Variants in TCERG1L observed in about 807,000 individuals in gnomAD.
TCERG1L encodes the protein transcription elongation regulator 1 like.
A neutral mutation model predicts 56.3 loss-of-function variants in TCERG1L; 37 were observed. The observed-to-expected ratio is 0.66, with a 90% CI of 0.51 to 0.87. TCERG1L has a LOEUF of 0.87. Ranked by LOEUF, TCERG1L falls within the 40% of genes least tolerant of loss-of-function variation. The pLI, the probability that TCERG1L is intolerant of heterozygous loss-of-function variation, is 0.00. For missense variants in TCERG1L, 799 were observed against 774.2 expected (o/e 1.03, Z -0.38); for synonymous variants, 324 against 326.3 (o/e 0.99, Z 0.08).
At position 131,311,444 on chromosome 10, in the gene TCERG1L, G is replaced by A; in HGVS notation, c.192C>T (p.Ala64=). The A allele has an allele frequency of 2.5e-6, 3 of 1,177,148 alleles. No individual in the cohort carries two copies. The highest frequency in any genetic ancestry group is 8.3e-5 in the South Asian group (2 of 24,100). 72.9% of individuals were successfully genotyped at this position (1,177,148 alleles called of 1,614,324 possible). A position where few individuals can be genotyped will look rare whatever the true frequency, so the allele number is the denominator to read the frequency against. ...AGVVVPPVLL[A]SAPPPAAPLL... ...GCGGGGCCGCGGGCGGCGGGGCCGA[G>A]GCGAGCAGCACCGGGGGAACCACGA... Residue 64 remains alanine (A), a synonymous_variant, in exon 1 of 12, where the codon GCC becomes GCT. Transcript: ENST00000368642. The surrounding 1 kb of genome is among the most constrained non-coding windows in gnomAD (Gnocchi z 4.0).
At chr10:131,252,925 C>A (rs1203612529) in intron 4 of TCERG1L, among the ~76,000 whole-genome samples, 2 of 152,168 alleles carry the variant, frequency 1.3e-5, no homozygotes, top group Non-Finnish European at 2.9e-5. Context: ...AACTATCTCC[C>A]CACCCTCCTT....
intron 3 of TCERG1L, 26 bp downstream of exon 3, chr10:131,308,185 A>G: frequency 1.3e-6 from 2 of 1,574,652 alleles, no homozygotes; most frequent in Non-Finnish European, 1.7e-6. Flanking sequence ...TGAAACAGAC[A>G]TTGTCAATGT....
intron 8 of TCERG1L, among the ~76,000 whole-genome samples, chr10:131,132,142 A>G (rs566861240): frequency 6.6e-6 from 1 of 152,302 alleles, no homozygotes; most frequent in South Asian, 2.1e-4. Context: ...AACAGAGGGC[A>G]TGGCTTTGTA....
In TCERG1L at chr10:131,144,063, C is replaced by T. The variant is rs1050118249; in HGVS notation, c.1189+2443G>A. 4.6e-5 allele frequency among the ~76,000 whole-genome samples: 7 copies of T among 151,190 alleles called. No individual in the cohort carries two copies. In the East Asian group the frequency reaches 6.0e-4, roughly 13 times the overall value. ...GTCTCCTATCCCCACTGAAGACACA[C>T]GCACACGCAGGCACACACGCTCACA... On this transcript the variant is annotated intron_variant, in intron 7 of 11. Transcript: ENST00000368642.
chr10:131,110,403 C>G (rs1845398875), intron 9 of TCERG1L, among the ~76,000 whole-genome samples: 1 of 152,160 alleles, frequency 6.6e-6, no homozygotes, highest in African/African-American at 2.4e-5. Context: ...CCCTGGTGGT[C>G]TCACCCCGGC....
In TCERG1L at chr10:131,226,539, G is replaced by A. The variant is rs1008713496; in HGVS notation, c.856+33720C>T. On this transcript the variant is annotated intron_variant, in intron 4 of 11. Coordinates refer to ENST00000368642, the MANE Select transcript of TCERG1L (RefSeq NM_174937.4). ...CAGAACCATAAAAATTAGGATTACAGCCATGACGATTAGCATTCAGCAGAA... is the reference window on the plus strand; with the variant it reads ...CAGAACCATAAAAATTAGGATTACAACCATGACGATTAGCATTCAGCAGAA... 2.0e-5 allele frequency among the ~76,000 whole-genome samples: 3 copies of A among 152,198 alleles called. No homozygotes were observed. In the East Asian group the frequency reaches 5.8e-4, roughly 29 times the overall value.
intron 4 of TCERG1L, among the ~76,000 whole-genome samples, chr10:131,174,479 C>G (rs2944523): frequency 0.63 from 96,255 of 151,854 alleles, 32,485 homozygotes; most frequent in East Asian, 0.99. Context: ...GTCCCCTGGT[C>G]GGGGCTGGGC....
chr10:131,172,270 G>A (rs1846100261), intron 4 of TCERG1L, among the ~76,000 whole-genome samples: 1 of 152,198 alleles, frequency 6.6e-6, no homozygotes, highest in African/African-American at 2.4e-5. Context: ...CACGGGGGAG[G>A]AGGGGAACCC....
rs1323864037 is a variant in TCERG1L, at chr10:131,118,742, G to A, written c.1260-1808C>T. On this transcript the variant is annotated intron_variant, in intron 8 of 11. Transcript: ENST00000368642. This position sits in a 1 kb window ranked among gnomAD's most constrained non-coding sequence, Gnocchi z 4.2. ...CATGCCAAATTTGGAATTGAGCCTGGTCTCTTTTCCTCCTTTGCAACAGTC... is the reference window on the plus strand; with the variant it reads ...CATGCCAAATTTGGAATTGAGCCTGATCTCTTTTCCTCCTTTGCAACAGTC... Among the ~76,000 whole-genome samples the A allele has an allele frequency of 6.6e-6, 1 of 152,110 alleles. No individual in the cohort carries two copies. Among genetic ancestry groups the A allele is most frequent in the Non-Finnish European group, 1.5e-5 (1 of 68,028 alleles).
chr10:131,221,257 C>A (rs970923202), intron 4 of TCERG1L, among the ~76,000 whole-genome samples: 2 of 152,218 alleles, frequency 1.3e-5, no homozygotes, highest in Non-Finnish European at 2.9e-5. Context: ...AGGCCCCTGG[C>A]CGTCCAGGAA....
At chr10:131,229,592 T>A (rs1845827789) in intron 4 of TCERG1L, among the ~76,000 whole-genome samples, 1 of 152,142 alleles carries the variant, frequency 6.6e-6, no homozygotes, top group Non-Finnish European at 1.5e-5. Flanking sequence ...AGCGCAGCCA[T>A]CAACTTCTGA....
At chr10:131,286,792 C>T (rs926138874) in intron 3 of TCERG1L, among the ~76,000 whole-genome samples, 6 of 152,320 alleles carry the variant, frequency 3.9e-5, no homozygotes, top group Admixed American at 3.3e-4. Flanking sequence ...ATAAACTATA[C>T]TCACAAATAG....
In TCERG1L at chr10:131,103,474, T is replaced by C. The variant is rs1364963885; in HGVS notation, c.1485+791A>G. 5.9e-5 allele frequency among the ~76,000 whole-genome samples: 9 copies of C among 152,158 alleles called. No homozygotes were observed. Among genetic ancestry groups the C allele is most frequent in the Non-Finnish European group, 8.8e-5 (6 of 68,040 alleles). On this transcript the variant is annotated intron_variant, in intron 10 of 11. Transcript: ENST00000368642. The surrounding 1 kb of genome is among the most constrained non-coding windows in gnomAD (Gnocchi z 4.3). Reference sequence around the variant, plus strand: ...GGGAGCCCAAGGTGGAAGGATTGCTTGAGCCTAGGAGTTCAAGATGAGCCT... The same window carrying C: ...GGGAGCCCAAGGTGGAAGGATTGCTCGAGCCTAGGAGTTCAAGATGAGCCT...
intron 3 of TCERG1L, among the ~76,000 whole-genome samples, chr10:131,300,231 T>C (rs548007696): frequency 3.3e-5 from 5 of 152,324 alleles, no homozygotes; most frequent in African/African-American, 1.2e-4. Flanking sequence ...GTTTTTGCTA[T>C]TTATTAGTCT....
chr10:131,156,800 C>T (rs867463982), intron 6 of TCERG1L, among the ~76,000 whole-genome samples: 3 of 152,154 alleles, frequency 2.0e-5, no homozygotes, highest in South Asian at 2.1e-4. Context: ...CTCTCACGTG[C>T]ACCCCCTTAG....
chr10:131,181,282 G>A (rs1845173302), intron 4 of TCERG1L, among the ~76,000 whole-genome samples: 1 of 152,216 alleles, frequency 6.6e-6, no homozygotes, highest in African/African-American at 2.4e-5. Flanking sequence ...TGGCCTGGGA[G>A]GATGGAAATC....
At chr10:131,264,286 G>A (rs1846263725) in intron 3 of TCERG1L, among the ~76,000 whole-genome samples, 2 of 152,234 alleles carry the variant, frequency 1.3e-5, no homozygotes, top group Admixed American at 6.5e-5. Context: ...AGCCCTGCCA[G>A]AGCACAGGTG....
chr10:131,181,852 G>A (rs1410915010), intron 4 of TCERG1L, among the ~76,000 whole-genome samples: 8 of 152,240 alleles, frequency 5.3e-5, no homozygotes, highest in African/African-American at 1.9e-4. Flanking sequence ...ACATTTTAAG[G>A]GAAACCTTTG....
chr10:131,229,309 C>G (rs1845825685), intron 4 of TCERG1L, among the ~76,000 whole-genome samples: 1 of 152,270 alleles, frequency 6.6e-6, no homozygotes, highest in South Asian at 2.1e-4. Context: ...GCCCTTGGAG[C>G]TAAATCTGCC....
Sources: allele counts gnomAD v4.1 joint callset (sites outside exome capture counted in the v4.1 genomes callset), GRCh38; gene constraint gnomAD v4.1.1; non-coding constraint Gnocchi (gnomAD v3.1); transcripts MANE v1.5; gene names NCBI Gene and HGNC (gene_info 2026-07-23, HGNC 2026-07-21).